Variants in HIVEP3 observed in about 807,000 individuals in gnomAD.
The protein encoded by HIVEP3 is HIVEP zinc finger 3, also known as transcription factor HIVEP3.
In HIVEP3, 49 loss-of-function variants were observed where a neutral mutation model predicts 152.8. The ratio of observed to expected loss-of-function variants is 0.32; its 90% CI spans 0.26 to 0.41. The LOEUF (loss-of-function observed/expected upper bound fraction) is 0.41, where lower values mean the gene tolerates loss of function less well. Ranked by LOEUF, HIVEP3 falls within the 10% of genes least tolerant of loss-of-function variation. HIVEP3 has a pLI of 1.00. For missense variants in HIVEP3, 2,790 were observed against 3,103.3 expected (o/e 0.90, Z 2.40); for synonymous variants, 1,269 against 1,289.0 (o/e 0.98, Z 0.33).
chr1:41,901,198 G>T (rs1324563118), intron 1 of HIVEP3, among the ~76,000 whole-genome samples: 2 of 152,080 alleles, frequency 1.3e-5, no homozygotes, highest in African/African-American at 4.8e-5. Flanking sequence ...CCCTTCCTAA[G>T]ACAGGGTGCA....
intron 2 of HIVEP3, among the ~76,000 whole-genome samples, chr1:41,689,661 A>T (rs1570320622): frequency 6.6e-6 from 1 of 152,234 alleles, no homozygotes; most frequent in African/African-American, 2.4e-5. Flanking sequence ...ATGTGTGGGC[A>T]TCTGAGTAGA....
chr1:41,582,525 G>C lies in HIVEP3; in HGVS notation c.2273C>G (p.Ala758Gly), dbSNP rs758896019. 3.7e-6 allele frequency: 6 copies of C among 1,611,558 alleles called. No homozygotes were observed. Among genetic ancestry groups the C allele is most frequent in the Non-Finnish European group, 5.1e-6 (6 of 1,178,366 alleles). Residue 758 changes from alanine (A) to glycine (G), a missense_variant, in exon 4 of 9, where the codon GCA becomes GGA. By Grantham distance (60) the Ala-to-Gly change is moderately conservative. Coordinates refer to ENST00000372583, the MANE Select transcript of HIVEP3 (RefSeq NM_024503.5). This position sits in a 1 kb window ranked among gnomAD's most constrained non-coding sequence, Gnocchi z 4.7. ...NLPLESTKSP[A>G]EPSKSVPSLE... ...GGAGGGCACTGATTTACTTGGTTCTGCTGGTGACTTGGTGGACTCCAGGGG... is the reference window on the plus strand; with the variant it reads ...GGAGGGCACTGATTTACTTGGTTCTCCTGGTGACTTGGTGGACTCCAGGGG...
intron 3 of HIVEP3, among the ~76,000 whole-genome samples, chr1:41,618,148 A>G (rs1198688476): frequency 6.6e-6 from 1 of 152,204 alleles, no homozygotes; most frequent in Non-Finnish European, 1.5e-5. Flanking sequence ...CACAATGCTC[A>G]ATGAGGGCCA....
chr1:41,793,288 C>T (rs1282231504), intron 1 of HIVEP3, among the ~76,000 whole-genome samples: 1 of 152,238 alleles, frequency 6.6e-6, no homozygotes, highest in Non-Finnish European at 1.5e-5. Context: ...ATCAGGGATG[C>T]TCTCTATCTG....
At chr1:41,668,731 T>C (rs1445386656) in intron 2 of HIVEP3, among the ~76,000 whole-genome samples, 7 of 152,250 alleles carry the variant, frequency 4.6e-5, no homozygotes, top group African/African-American at 1.7e-4. Context: ...CCTGTTTTTC[T>C]TATTTTTTCC....
chr1:42,019,765 T>A (rs1348547528), intron 1 of HIVEP3, among the ~76,000 whole-genome samples: 1 of 152,022 alleles, frequency 6.6e-6, no homozygotes, highest in Admixed American at 6.6e-5. Flanking sequence ...GGATCTCTAA[T>A]GCAATGCTAA....
intron 1 of HIVEP3, among the ~76,000 whole-genome samples, chr1:41,925,365 T>C (rs1644962801): frequency 6.6e-6 from 1 of 152,222 alleles, no homozygotes; most frequent in Non-Finnish European, 1.5e-5. Flanking sequence ...ACATATTTTG[T>C]ACATTATATG....
intron 1 of HIVEP3, among the ~76,000 whole-genome samples, chr1:41,784,930 T>G (rs1649260099): frequency 6.6e-6 from 1 of 152,296 alleles, no homozygotes; most frequent in Non-Finnish European, 1.5e-5. Flanking sequence ...AATGCCTGTC[T>G]CCACATGGAG....
intron 5 of HIVEP3, among the ~76,000 whole-genome samples, chr1:41,555,990 A>G (rs957617163): frequency 6.6e-6 from 1 of 152,214 alleles, no homozygotes; most frequent in Non-Finnish European, 1.5e-5. Context: ...GTTGAGTGGT[A>G]TTTCATTGCA....
At chr1:41,765,420 A>G (rs778335793) in intron 1 of HIVEP3, among the ~76,000 whole-genome samples, 1 of 152,182 alleles carries the variant, frequency 6.6e-6, no homozygotes, top group Non-Finnish European at 1.5e-5. Flanking sequence ...TTGGCAGAGT[A>G]GAAACAGCAC....
intron 1 of HIVEP3, among the ~76,000 whole-genome samples, chr1:41,797,024 C>A (rs1650023277): frequency 6.6e-6 from 1 of 152,178 alleles, no homozygotes; most frequent in Admixed American, 6.5e-5. Flanking sequence ...AGTGTGATGG[C>A]CATGGCAAAA....
intron 2 of HIVEP3, among the ~76,000 whole-genome samples, chr1:41,696,261 T>G (rs188347858): frequency 6.6e-6 from 1 of 152,330 alleles, no homozygotes; most frequent in East Asian, 1.9e-4. Context: ...TGTCAAAACA[T>G]GACCCCATCC....
At chr1:41,831,108 G>A (rs992428982) in intron 1 of HIVEP3, among the ~76,000 whole-genome samples, 2 of 152,050 alleles carry the variant, frequency 1.3e-5, no homozygotes, top group Non-Finnish European at 2.9e-5. Flanking sequence ...AACTGCAGAG[G>A]ACAAATACCT....
intron 1 of HIVEP3, among the ~76,000 whole-genome samples, chr1:41,714,712 T>A (rs987988837): frequency 5.9e-5 from 9 of 152,320 alleles, no homozygotes; most frequent in African/African-American, 2.2e-4. Context: ...AACCAGCCAC[T>A]GGCCTTCTGG....
chr1:42,025,060 G>C (rs765952585), intron 1 of HIVEP3, among the ~76,000 whole-genome samples: 8 of 152,134 alleles, frequency 5.3e-5, no homozygotes, highest in Admixed American at 1.3e-4. Context: ...TAATAAATTT[G>C]ATCAATTCTG....
At chr1:41,727,240 G>A (rs1266229923) in intron 1 of HIVEP3, among the ~76,000 whole-genome samples, 1 of 152,224 alleles carries the variant, frequency 6.6e-6, no homozygotes, top group Non-Finnish European at 1.5e-5. Context: ...TCATAGATGA[G>A]AAAGAGCCTG....
rs1202119705 is a variant in HIVEP3, at chr1:41,946,353, T to TCAAACCCTCA, written n.120-27830_120-27829insTGAGGGTTTG. Among the ~76,000 whole-genome samples, 17 of 152,234 alleles carry TCAAACCCTCA rather than the reference T, an allele frequency of 1.1e-4. No homozygotes were observed. In the South Asian group the frequency reaches 3.5e-3, roughly 32 times the overall value. ...ATGCCATCACCCTCAGAGCCCCGGG[T>TCAAACCCTCA]ATGTTTGACCATTGAGAGCCAGGAA... On this transcript the variant is annotated intron_variant and non_coding_transcript_variant, in intron 1 of 3. Transcript: ENST00000489103.
chr1:41,827,675 C>G (rs1038706208), intron 1 of HIVEP3, among the ~76,000 whole-genome samples: 6 of 152,244 alleles, frequency 3.9e-5, no homozygotes, highest in South Asian at 2.1e-4. Context: ...AGATGTAGAT[C>G]ATTAATAAAT....
At chr1:41,720,278 C>T (rs1438733843) in intron 1 of HIVEP3, among the ~76,000 whole-genome samples, 1 of 152,208 alleles carries the variant, frequency 6.6e-6, no homozygotes, top group African/African-American at 2.4e-5. Context: ...GACTGCAACT[C>T]TTGAAGGGCC....
Sources: allele counts gnomAD v4.1 joint callset (sites outside exome capture counted in the v4.1 genomes callset), GRCh38; gene constraint gnomAD v4.1.1; non-coding constraint Gnocchi (gnomAD v3.1); transcripts MANE v1.5; gene names NCBI Gene and HGNC (gene_info 2026-07-23, HGNC 2026-07-21).